DSCAM: variants seen among roughly 807,000 people sequenced by gnomAD.
DSCAM encodes the protein DS cell adhesion molecule.
DSCAM carries 47 observed loss-of-function variants against 217.7 expected under a neutral mutation model. The ratio of observed to expected loss-of-function variants is 0.22; its 90% CI spans 0.17 to 0.28. The LOEUF (loss-of-function observed/expected upper bound fraction) is 0.28. DSCAM is among the 10% of genes least tolerant of loss of function. DSCAM has a pLI of 1.00. For missense variants in DSCAM, 2,080 were observed against 2,618.3 expected (o/e 0.79, Z 4.49); for synonymous variants, 1,056 against 1,015.3 (o/e 1.04, Z -0.76).
intron 3 of DSCAM, among the ~76,000 whole-genome samples, chr21:40,516,078 T>C (rs2076296956): frequency 6.6e-6 from 1 of 152,090 alleles, no homozygotes. Flanking sequence ...TCAGACTGAT[T>C]AAAGGATCAT....
In DSCAM at chr21:40,276,245, T is replaced by C. The variant is rs781082451; in HGVS notation, c.2208A>G (p.Pro736=). 1.2e-6 allele frequency: 2 copies of C among 1,606,552 alleles called. No individual in the cohort carries two copies. Among genetic ancestry groups the C allele is most frequent in the Non-Finnish European group, 1.7e-6 (2 of 1,177,304 alleles). Residue 736 remains proline, a synonymous_variant, in exon 11 of 33, where the codon CCA becomes CCG. Transcript: ENST00000400454. Reference sequence around the variant, plus strand: ...CTTGGATTCGGCCATTTAGGGCAATTGGCTGGAACTGGGGAACCCCAGCAC... The same window carrying C: ...CTTGGATTCGGCCATTTAGGGCAATCGGCTGGAACTGGGGAACCCCAGCAC... ...SKGAGVPQFQ[P]IALNGRIQVL...
In DSCAM at chr21:40,339,232, A is replaced by T; in HGVS notation, c.1394T>A (p.Val465Glu). 6.2e-7 allele frequency: 1 copy of T among 1,614,154 alleles called. No individual in the cohort carries two copies. The highest frequency in any genetic ancestry group is 8.5e-7 in the Non-Finnish European group (1 of 1,180,018). ...ISQMITSEGN[V>E]VSYLNISSSQ... Reference sequence around the variant, plus strand: ...GCTGGAGATGTTCAGGTAGCTGACCACGTTCCCCTCCGACGTGATCATCTG... The same window carrying T: ...GCTGGAGATGTTCAGGTAGCTGACCTCGTTCCCCTCCGACGTGATCATCTG... The change falls in exon 7 of 33, where the codon GTG becomes GAG. Residue 465 changes from valine (V) to glutamate (E), a missense_variant. Physicochemically the swap from Val to Glu is moderately radical, Grantham distance 121. Coordinates refer to ENST00000400454, the MANE Select transcript of DSCAM (RefSeq NM_001389.5).
intron 3 of DSCAM, among the ~76,000 whole-genome samples, chr21:40,421,718 A>T (rs1366614255): frequency 6.6e-6 from 1 of 152,244 alleles, no homozygotes; most frequent in African/African-American, 2.4e-5. Context: ...CAGAATTAAC[A>T]CCTGAGAGGC....
chr21:40,704,378 GCTGA>G (rs1054889170), intron 2 of DSCAM, among the ~76,000 whole-genome samples: 148 of 152,034 alleles, frequency 9.7e-4, no homozygotes, highest in Middle Eastern at 3.4e-3. Context: ...TTTTTCTATC[GCTGA>G]CTAATACTTC....
At chr21:40,128,935 G>T (rs2090126298) in intron 19 of DSCAM, among the ~76,000 whole-genome samples, 1 of 152,080 alleles carries the variant, frequency 6.6e-6, no homozygotes, top group South Asian at 2.1e-4. Context: ...AATACAAGTG[G>T]GTAAGCCCTC....
chr21:40,381,542 A>T (rs2123730615), intron 3 of DSCAM, among the ~76,000 whole-genome samples: 1 of 152,334 alleles, frequency 6.6e-6, no homozygotes, highest in South Asian at 2.1e-4. Flanking sequence ...CGGCACTTCA[A>T]CCCACAGTGA....
At chr21:40,372,691 T>C (rs1339637339) in intron 3 of DSCAM, among the ~76,000 whole-genome samples, 3 of 152,242 alleles carry the variant, frequency 2.0e-5, no homozygotes, top group Non-Finnish European at 4.4e-5. Context: ...CCAGCTGTTA[T>C]ATGTTACTTC....
rs766329215 is a variant in DSCAM at position 40,080,295 on chromosome 21, C to T, written c.4277G>A (p.Ser1426Asn). The T allele has an allele frequency of 2.4e-5, 38 of 1,613,270 alleles. No individual in the cohort carries two copies. The highest frequency in any genetic ancestry group is 3.1e-5 in the Non-Finnish European group (36 of 1,179,876). ...ACGTTCGCTGGGGCTGATTGGAAAACTCCCCCACTGCTCACTATTGTCCTC... is the reference window on the plus strand; with the variant it reads ...ACGTTCGCTGGGGCTGATTGGAAAATTCCCCCACTGCTCACTATTGTCCTC... ...YSEDNSEQWG[S>N]FPISPSERSY... is the part of the protein sequence containing the mutation. Residue 1426 changes from serine (S) to asparagine (N), a missense_variant, in exon 25 of 33, where the codon AGT becomes AAT. Ser to Asn is a conservative substitution (Grantham distance 46). This residue lies in a region of DSCAM where 1,144 missense variants were observed against 1,421.1 expected (regional missense o/e 0.81). Transcript: ENST00000400454.
chr21:40,419,039 C>T (rs907626517), intron 3 of DSCAM, among the ~76,000 whole-genome samples: 1 of 152,046 alleles, frequency 6.6e-6, no homozygotes, highest in African/African-American at 2.4e-5. Flanking sequence ...GGTGCGATCT[C>T]GGCCCACTGC....
chr21:40,185,354 A>T (rs994999436), intron 14 of DSCAM, among the ~76,000 whole-genome samples: 9 of 152,148 alleles, frequency 5.9e-5, no homozygotes. Flanking sequence ...TTCACAGGTG[A>T]GATGCGCAAG....
intron 3 of DSCAM, among the ~76,000 whole-genome samples, chr21:40,605,759 T>C (rs2089226757): frequency 6.6e-6 from 1 of 151,514 alleles, no homozygotes; most frequent in Non-Finnish European, 1.5e-5. Context: ...AAAAAATATG[T>C]TCTTCACTTA....
intron 3 of DSCAM, among the ~76,000 whole-genome samples, chr21:40,469,998 A>G (rs2075875190): frequency 6.6e-6 from 1 of 152,230 alleles, no homozygotes; most frequent in African/African-American, 2.4e-5. Context: ...ATCTATTCCA[A>G]CATGTTTAAA....
At chr21:40,033,105 G>C (rs1458483540) in intron 32 of DSCAM, among the ~76,000 whole-genome samples, 1 of 152,200 alleles carries the variant, frequency 6.6e-6, no homozygotes, top group Non-Finnish European at 1.5e-5. Context: ...AGATACCTCA[G>C]AGTATAAGAA....
At chr21:40,396,098 G>C (rs62223834) in intron 3 of DSCAM, among the ~76,000 whole-genome samples, 4,142 of 152,212 alleles carry the variant, frequency 0.027, 68 homozygotes, top group African/African-American at 0.047. Flanking sequence ...TTCCTAAATC[G>C]AGATGACATT....
chr21:40,835,977 C>A (rs932242), intron 1 of DSCAM, among the ~76,000 whole-genome samples: 151,875 of 152,336 alleles, frequency 1, 75,709 homozygotes, highest in Middle Eastern at 1. Flanking sequence ...AAGCCAAGAA[C>A]ATCCAACAGA....
intron 1 of DSCAM, among the ~76,000 whole-genome samples, chr21:40,721,073 A>C (rs1332125104): frequency 1.3e-5 from 2 of 152,236 alleles, no homozygotes; most frequent in African/African-American, 4.8e-5. Flanking sequence ...ACTTCTAATA[A>C]ATAGAACATC....
chr21:40,749,816 C>A (rs1014153551), intron 1 of DSCAM, among the ~76,000 whole-genome samples: 7 of 152,174 alleles, frequency 4.6e-5, no homozygotes, highest in Non-Finnish European at 1.0e-4. Context: ...AGAGATGGAA[C>A]TGACTTAAAT....
At chr21:40,725,900 A>C (rs563152484) in intron 1 of DSCAM, among the ~76,000 whole-genome samples, 1 of 152,316 alleles carries the variant, frequency 6.6e-6, no homozygotes, top group Admixed American at 6.5e-5. Context: ...GCAAAGTCAA[A>C]ATTTTGACCT....
intron 3 of DSCAM, among the ~76,000 whole-genome samples, chr21:40,657,808 T>C (rs900398871): frequency 6.6e-6 from 1 of 152,236 alleles, no homozygotes; most frequent in Non-Finnish European, 1.5e-5. Context: ...TGAATAACTA[T>C]TAGTACCTGA....
Sources: gnomAD v4.1 joint callset for allele counts (sites outside exome capture counted in the v4.1 genomes callset) on GRCh38, gnomAD v4.1.1 for gene constraint, gnomAD v4.1.1 regional missense constraint, MANE v1.5 for transcripts, NCBI Gene and HGNC (gene_info 2026-07-23, HGNC 2026-07-21) for gene names.